HYDIN: variants seen among roughly 807,000 people sequenced by gnomAD.
The protein encoded by HYDIN is axonemal central pair apparatus protein HYDIN.
In HYDIN, 132 loss-of-function variants were observed where a neutral mutation model predicts 403.9. That is an observed-to-expected ratio of 0.33 (90% CI 0.28 to 0.38). HYDIN has a LOEUF of 0.38. Among genes scored for constraint, HYDIN ranks in the 10% least tolerant of loss-of-function variants. The pLI, the probability that HYDIN is intolerant of heterozygous loss-of-function variation, is 1.00. For synonymous variants in HYDIN, 1,202 were observed against 1,891.7 expected (o/e 0.64, Z 9.46); for missense variants, 2,827 against 5,009.5 (o/e 0.56, Z 13.15).
At position 71,067,314 on chromosome 16, in the gene HYDIN, A is replaced by C; in HGVS notation, c.2051T>G (p.Val684Gly). ...CCTTGCTGTAATTAAGAGCGCCAGCACCTCTTCTCCGATGCCCTCCACGTC... is the reference window on the plus strand; with the variant it reads ...CCTTGCTGTAATTAAGAGCGCCAGCCCCTCTTCTCCGATGCCCTCCACGTC... ...VVDVEGIGEE[V>G]LALLITARCV... Residue 684 changes from valine (V) to glycine (G), a missense_variant, in exon 15 of 86, where the codon GTG (valine) becomes GGG (glycine). Coordinates refer to ENST00000393567, the MANE Select transcript of HYDIN (RefSeq NM_001270974.2). 1.2e-6 allele frequency: 2 copies of C among 1,612,232 alleles called. No individual in the cohort carries two copies. Among genetic ancestry groups the C allele is most frequent in the Non-Finnish European group, 1.7e-6 (2 of 1,178,920 alleles).
rs549566709 is a variant in HYDIN, at chr16:70,843,984, T to G, written c.12874-3751A>C. Among the ~76,000 whole-genome samples, 228 of 132,358 alleles carry G rather than the reference T, an allele frequency of 1.7e-3. 1 individual carries two copies. Among genetic ancestry groups the G allele is most frequent in the African/African-American group, 8.2e-3 (222 of 27,232 alleles). 86.8% of individuals were successfully genotyped at this position (132,358 alleles called of 152,430 possible). A position where few individuals can be genotyped will look rare whatever the true frequency, so the allele number is the denominator to read the frequency against. Reference sequence around the variant, plus strand: ...GTAGGTTGCGAAAATTTTCTCCCATTTTGTAGGTTGCCTGTTCACTCTGAT... The same window carrying G: ...GTAGGTTGCGAAAATTTTCTCCCATGTTGTAGGTTGCCTGTTCACTCTGAT... On this transcript the variant is annotated intron_variant, in intron 75 of 85. Transcript: ENST00000393567.
intron 8 of HYDIN, among the ~76,000 whole-genome samples, chr16:71,133,938 C>T (rs2084811945): frequency 6.6e-6 from 1 of 152,166 alleles, no homozygotes; most frequent in Admixed American, 6.5e-5. Flanking sequence ...TACAGAACTT[C>T]TTCCCACGGG....
chr16:70,830,796 G>A (rs915749578), intron 80 of HYDIN, among the ~76,000 whole-genome samples: 4 of 152,124 alleles, frequency 2.6e-5, no homozygotes, highest in African/African-American at 9.7e-5. Context: ...GACTGCGGGA[G>A]GAGCAGGTTT....
intron 73 of HYDIN, among the ~76,000 whole-genome samples, chr16:70,853,456 C>T (rs2038800756): frequency 6.7e-6 from 1 of 148,266 alleles, no homozygotes; most frequent in Non-Finnish European, 1.5e-5. Flanking sequence ...CAGGAACAAT[C>T]CAGATGTCCT....
At chr16:70,829,193 C>T (rs2036794908) in intron 81 of HYDIN, among the ~76,000 whole-genome samples, 1 of 115,184 alleles carries the variant, frequency 8.7e-6, no homozygotes, top group Admixed American at 9.3e-5. Context: ...TGTTCCCCAT[C>T]TAACATTCTC....
intron 10 of HYDIN, among the ~76,000 whole-genome samples, chr16:71,098,403 C>T (rs2083347067): frequency 6.6e-6 from 1 of 151,654 alleles, no homozygotes; most frequent in South Asian, 2.1e-4. Flanking sequence ...GGGGCTTCAC[C>T]GTGTTAGCCA....
intron 58 of HYDIN, among the ~76,000 whole-genome samples, chr16:70,884,717 AAAC>A (rs1189279962): frequency 6.7e-6 from 1 of 148,466 alleles, no homozygotes; most frequent in Non-Finnish European, 1.5e-5. Context: ...AAACAAAACA[AAAC>A]AAAACAAAAC....
At chr16:70,991,155 T>C (rs998494202) in intron 25 of HYDIN, 163 bp downstream of exon 25, 1 of 969,112 alleles carries the variant, frequency 1.0e-6, no homozygotes, top group African/African-American at 1.6e-5. Flanking sequence ...TCACTGAGTG[T>C]TGGCTCTGGG....
chr16:70,996,498 C>T (rs1199351053), intron 23 of HYDIN, among the ~76,000 whole-genome samples: 23 of 151,898 alleles, frequency 1.5e-4, no homozygotes. Context: ...CCCACTTGTG[C>T]ACTATGGGGC....
At chr16:70,943,199 T>C (rs2077736389) in intron 42 of HYDIN, among the ~76,000 whole-genome samples, 3 of 152,160 alleles carry the variant, frequency 2.0e-5, no homozygotes, top group Non-Finnish European at 2.9e-5. Flanking sequence ...TATTTTCTTG[T>C]CTTTAACTGT....
At chr16:71,012,781 C>T (rs2080131577) in intron 23 of HYDIN, among the ~76,000 whole-genome samples, 1 of 151,706 alleles carries the variant, frequency 6.6e-6, no homozygotes, top group African/African-American at 2.4e-5. Context: ...GACCTTTAGC[C>T]ACTTTTATGT....
chr16:70,850,578 T>C lies in HYDIN; in HGVS notation c.12521A>G (p.Lys4174Arg), dbSNP rs998275993. The C allele has an allele frequency of 1.9e-6, 3 of 1,613,810 alleles. No homozygotes were observed. Among genetic ancestry groups the C allele is most frequent in the African/African-American group, 1.3e-5 (1 of 74,872 alleles). ...GACATTTAATGTCACAGGGTGGACT[T>C]TCTTTTCCACATTGCAGATCAAATT... ...NFNLICNVEK[K>R]VHPVTLNVKA... Residue 4174 changes from lysine to arginine, a missense_variant, in exon 74 of 86, where the codon AAA (lysine) becomes AGA (arginine). Physicochemically the swap from Lys to Arg is conservative, Grantham distance 26. Transcript: ENST00000393567.
intron 53 of HYDIN, among the ~76,000 whole-genome samples, chr16:70,899,614 T>C (rs1370123832): frequency 6.6e-6 from 1 of 152,234 alleles, no homozygotes; most frequent in Non-Finnish European, 1.5e-5. Flanking sequence ...TGTAGTAGCC[T>C]TGGGGAACTA....
At chr16:70,888,451 T>C (rs1288674013) in intron 58 of HYDIN, among the ~76,000 whole-genome samples, 1 of 152,174 alleles carries the variant, frequency 6.6e-6, no homozygotes, top group Non-Finnish European at 1.5e-5. Flanking sequence ...TCATTCCTGC[T>C]GGGCAGGGGT....
At chr16:70,985,161 G>C (rs2487943) in intron 28 of HYDIN, 24 bp downstream of exon 28, 3 of 1,609,294 alleles carry the variant, frequency 1.9e-6, no homozygotes, top group African/African-American at 2.7e-5. Context: ...GTTTGAATTC[G>C]GGCCCCTCCC....
In HYDIN at chr16:70,808,079, C is replaced by A; in HGVS notation, c.14884-17G>T. The A allele has an allele frequency of 6.3e-7, 1 of 1,585,550 alleles. No homozygotes were observed. The highest frequency in any genetic ancestry group is 8.6e-7 in the Non-Finnish European group (1 of 1,164,118). On this transcript the variant is annotated splice_polypyrimidine_tract_variant and intron_variant, in intron 85 of 85. Coordinates refer to ENST00000393567, the MANE Select transcript of HYDIN (RefSeq NM_001270974.2). ...ACAGTCGGTCTGAAAGGGGAACAAA[C>A]AAACTCAGCTCACGTGAGATCCTGA...
chr16:71,107,225 C>T (rs552211187), intron 10 of HYDIN, among the ~76,000 whole-genome samples: 34 of 151,542 alleles, frequency 2.2e-4, no homozygotes, highest in Admixed American at 1.5e-3. Context: ...GTGCAGCCCA[C>T]CAACATGGCA....
chr16:71,103,828 G>T (rs1393502544), intron 10 of HYDIN, among the ~76,000 whole-genome samples: 1 of 152,138 alleles, frequency 6.6e-6, no homozygotes, highest in African/African-American at 2.4e-5. Context: ...ATCTATAGAT[G>T]AATTTGGGGG....
intron 12 of HYDIN, among the ~76,000 whole-genome samples, chr16:71,083,347 T>C (rs2082841937): frequency 1.3e-5 from 2 of 151,032 alleles, no homozygotes; most frequent in Non-Finnish European, 1.5e-5. Flanking sequence ...TGTATAGATA[T>C]AACACATTTC....
Sources: gnomAD v4.1 joint callset for allele counts (sites outside exome capture counted in the v4.1 genomes callset) on GRCh38, gnomAD v4.1.1 for gene constraint, MANE v1.5 for transcripts, NCBI Gene and HGNC (gene_info 2026-07-23, HGNC 2026-07-21) for gene names.